AKR1C3: variants seen among roughly 807,000 people sequenced by gnomAD.
AKR1C3 encodes the protein aldo-keto reductase family 1 member C3.
A neutral mutation model predicts 43.6 loss-of-function variants in AKR1C3; 48 were observed. That is an observed-to-expected ratio of 1.10 (90% CI 0.87 to 1.40). AKR1C3 has a LOEUF of 1.40. AKR1C3 is among the 40% of genes most tolerant of loss of function. The pLI is 0.00. For synonymous variants in AKR1C3, 162 were observed against 139.6 expected (o/e 1.16, Z -1.13); for missense variants, 482 against 391.2 (o/e 1.23, Z -1.96).
In AKR1C3 at chr10:5,107,442, T is replaced by C. The variant is rs1296086420; in HGVS notation, c.930-19T>C. On this transcript the variant is annotated intron_variant, in intron 8 of 8. Coordinates refer to ENST00000380554, the MANE Select transcript of AKR1C3 (RefSeq NM_003739.6). ...TAATGGAGTCATTGCATTTATATTA[T>C]ACATTATTCTCTTTTCAGTTTTGCT... 4.7e-6 allele frequency: 7 copies of C among 1,501,570 alleles called. No homozygotes were observed. Among genetic ancestry groups the C allele is most frequent in the African/African-American group, 1.4e-5 (1 of 72,368 alleles). 93.0% of individuals were successfully genotyped at this position (1,501,570 alleles called of 1,614,324 possible).
Position 5,075,200 on chromosome 10 carries a change from ATT to A in AKR1C3, c.85-21201_85-21200del, listed in dbSNP as rs59947954. The stretch of plus-strand genomic sequence containing the variant: ...TTGCCAAGATTTAAGTCCCTCTCTC[ATT>A]TTTTTTTTATAAACTTAGATGGTTT... On this transcript the variant is annotated intron_variant, in intron 1 of 8. Coordinates refer to the AKR1C3 transcript ENST00000439082. 2.7e-5 allele frequency among the ~76,000 whole-genome samples: 4 copies of A among 149,148 alleles called. No homozygotes were observed. The East Asian group carries it at 7.8e-4, about 29-fold the overall frequency.
chr10:5,049,954 C>T (rs1226652086), intron 1 of AKR1C3, among the ~76,000 whole-genome samples: 1 of 152,222 alleles, frequency 6.6e-6, no homozygotes, highest in African/African-American at 2.4e-5. Flanking sequence ...GCCAAATCTG[C>T]ACCTTCCATG....
At chr10:5,092,044 A>T (rs149393606), upstream of AKR1C3, among the ~76,000 whole-genome samples, 1 of 146,620 alleles carries the variant, frequency 6.8e-6, no homozygotes, top group Non-Finnish European at 1.5e-5. Flanking sequence ...CTAATTAAAA[A>T]AAAATTTTTG....
intron 1 of AKR1C3, among the ~76,000 whole-genome samples, chr10:5,058,910 A>G (rs1353076312): frequency 6.6e-6 from 1 of 152,120 alleles, no homozygotes; most frequent in Non-Finnish European, 1.5e-5. Context: ...CTAAGCATTC[A>G]CCGGTTAGTA....
chr10:5,090,064 T>C (rs1031112407), upstream of AKR1C3, among the ~76,000 whole-genome samples: 5 of 152,244 alleles, frequency 3.3e-5, no homozygotes, highest in East Asian at 9.7e-4. Context: ...AGGGTACTTA[T>C]GAGTAAGAGC....
chr10:5,087,403 C>T (rs1342505836), intron 1 of AKR1C3, among the ~76,000 whole-genome samples: 11 of 142,726 alleles, frequency 7.7e-5, no homozygotes, highest in East Asian at 4.2e-4. Flanking sequence ...TTTTGAGGCT[C>T]GCTCTGTTGC....
chr10:5,088,306 A>G (rs1554783581), intron 1 of AKR1C3, among the ~76,000 whole-genome samples: 1 of 152,100 alleles, frequency 6.6e-6, no homozygotes, highest in Non-Finnish European at 1.5e-5. Context: ...GTTGTTAGGT[A>G]GAATGTTCTG....
rs374871675 is a variant in AKR1C3 at position 5,069,942 on chromosome 10, C to T, written c.84+21047C>T. 8.6e-4 allele frequency among the ~76,000 whole-genome samples: 131 copies of T among 152,238 alleles called. 5 individuals carry two copies. The South Asian group carries it at 0.023, about 26-fold the overall frequency. On this transcript the variant is annotated intron_variant, in intron 1 of 8. Transcript: ENST00000439082. Reference sequence around the variant, plus strand: ...CAAATAGTCCCATTCATTCCTAGGCCTTCAGGCAATACCTGGGAGTGACTC... The same window carrying T: ...CAAATAGTCCCATTCATTCCTAGGCTTTCAGGCAATACCTGGGAGTGACTC...
At chr10:5,051,315 T>A (rs559474721) in intron 1 of AKR1C3, among the ~76,000 whole-genome samples, 5 of 152,344 alleles carry the variant, frequency 3.3e-5, no homozygotes, top group African/African-American at 1.2e-4. Flanking sequence ...CAGACTGGTC[T>A]CAAACTCCTG....
In AKR1C3 at chr10:5,094,526, G is replaced by A; in HGVS notation, c.82G>A (p.Glu28Lys). 6.2e-7 allele frequency: 1 copy of A among 1,612,596 alleles called. No homozygotes were observed. The highest frequency in any genetic ancestry group is 8.5e-7 in the Non-Finnish European group (1 of 1,178,814). The change falls in exon 1 of 9, where the codon GAG becomes AAG. Residue 28 changes from glutamate to lysine, a missense_variant and splice_region_variant. Physicochemically the swap from Glu to Lys is moderately conservative, Grantham distance 56. Coordinates refer to ENST00000380554, the MANE Select transcript of AKR1C3 (RefSeq NM_003739.6). ...GGGATTTGGCACCTATGCACCTCCA[G>A]AGGTAAGAATAATTCCTTTTAGTTT... ...VLGFGTYAPP[E>K]VPRSKALEVT...
chr10:5,094,583 T>C lies in AKR1C3; in HGVS notation c.84+55T>C, dbSNP rs1839167305. 5 of 1,582,230 alleles carry C rather than the reference T, an allele frequency of 3.2e-6. No homozygotes were observed. In the East Asian group the frequency reaches 1.1e-4, roughly 35 times the overall value. On this transcript the variant is annotated intron_variant, in intron 1 of 8. Coordinates refer to ENST00000380554, the MANE Select transcript of AKR1C3 (RefSeq NM_003739.6). Reference sequence around the variant, plus strand: ...TTCAAAAGAATAAACCTAGTAGAAGTGAAACCCGTATTGGGTTGTAAGGTT... The same window carrying C: ...TTCAAAAGAATAAACCTAGTAGAAGCGAAACCCGTATTGGGTTGTAAGGTT...
At chr10:5,081,995 T>G (rs1300186960) in intron 1 of AKR1C3, 1 of 151,784 alleles carries the variant, frequency 6.6e-6, no homozygotes, top group Non-Finnish European at 1.5e-5. Context: ...ACTTGCATGA[T>G]GCATTCTGTT....
At chr10:5,066,780 G>A (rs1453791573) in intron 1 of AKR1C3, among the ~76,000 whole-genome samples, 9 of 152,298 alleles carry the variant, frequency 5.9e-5, no homozygotes, top group Admixed American at 5.9e-4. Flanking sequence ...ATAAGTGCCA[G>A]CTGCAGCATA....
rs1554785693 is a variant in AKR1C3 at position 5,099,637 on chromosome 10, A to AATTGGAATGAGTTTAATGCTGAATCGTGT, written c.570+189_570+217dup. On this transcript the variant is annotated intron_variant, in intron 5 of 8. Transcript: ENST00000380554. ...CCTGCTTGGAAAAGTATTAGGGAAA[A>AATTGGAATGAGTTTAATGCTGAATCGTGT]ATTGGAATGAGTTTAATGCTGAATC... 1.4e-5 allele frequency: 15 copies of AATTGGAATGAGTTTAATGCTGAATCGTGT among 1,051,268 alleles called. No homozygotes were observed. In the Admixed American group the frequency reaches 4.3e-4, roughly 30 times the overall value. 65.1% of individuals were successfully genotyped at this position (1,051,268 alleles called of 1,614,324 possible). A position where few individuals can be genotyped will look rare whatever the true frequency, so the allele number is the denominator to read the frequency against.
At chr10:5,104,956 A>T (rs1161217462) in intron 7 of AKR1C3, among the ~76,000 whole-genome samples, 2 of 151,978 alleles carry the variant, frequency 1.3e-5, no homozygotes, top group Non-Finnish European at 2.9e-5. Flanking sequence ...TCTCTCTCTC[A>T]TTCTCTGTAT....
intron 8 of AKR1C3, among the ~76,000 whole-genome samples, chr10:5,106,467 A>C (rs1468122309): frequency 1.3e-5 from 2 of 152,132 alleles, no homozygotes; most frequent in Non-Finnish European, 2.9e-5. Context: ...GCAGGAAGTT[A>C]TGGCCGGGCG....
intron 3 of AKR1C3, 94 bp downstream of exon 3, chr10:5,097,644 T>TG (rs1839242024): frequency 6.3e-7 from 1 of 1,598,794 alleles, no homozygotes; most frequent in South Asian, 1.1e-5. Flanking sequence ...ATTAGGAGGA[T>TG]GTAGGGATTA....
intron 1 of AKR1C3, among the ~76,000 whole-genome samples, chr10:5,070,255 T>C (rs1838590988): frequency 1.3e-5 from 2 of 152,232 alleles, no homozygotes; most frequent in South Asian, 4.1e-4. Context: ...CTGGAATTTC[T>C]CCTGGCTGGC....
upstream of AKR1C3, chr10:5,094,353 A>G: frequency 1.1e-6 from 1 of 911,568 alleles, no homozygotes; most frequent in Non-Finnish European, 1.6e-6. Context: ...GTCAGTTTGC[A>G]GGGGTGGGGG....
Sources: allele counts gnomAD v4.1 joint callset (sites outside exome capture counted in the v4.1 genomes callset), GRCh38; gene constraint gnomAD v4.1.1; transcripts MANE v1.5; gene names NCBI Gene and HGNC (gene_info 2026-07-23, HGNC 2026-07-21).